BEND3: variants seen among roughly 807,000 people sequenced by gnomAD.
BEND3 encodes the protein BEN domain containing 3.
In BEND3, 13 loss-of-function variants were observed where a neutral mutation model predicts 60.1. That is an observed-to-expected ratio of 0.22 (90% confidence interval 0.14 to 0.34). The LOEUF (loss-of-function observed/expected upper bound fraction) is 0.34. Ranked by LOEUF, BEND3 falls within the 10% of genes least tolerant of loss-of-function variation. The probability of loss-of-function intolerance (pLI) is 1.00; values close to 1 mark genes in which losing one functional copy is unlikely to be tolerated. For missense variants in BEND3, 896 were observed against 1,138.1 expected, an observed-to-expected ratio of 0.79 and a Z score of 3.06; for synonymous variants, 497 against 491.5, an observed-to-expected ratio of 1.01 and a Z score of -0.15.
At chr6:107,105,453 G>A (rs1775793311) in intron 1 of BEND3, among the ~76,000 whole-genome samples, 1 of 152,002 alleles carries the variant, frequency 6.6e-6, no homozygotes, top group African/African-American at 2.4e-5. Context: ...CAGGATCACT[G>A]GCCTTTTCCC....
At position 107,082,092 on chromosome 6, in the gene BEND3, G is replaced by A. The variant is rs528864082; in HGVS notation, c.241-11142C>T. Among the ~76,000 whole-genome samples, 8 of 152,336 alleles carry A rather than the reference G, an allele frequency of 5.3e-5. No homozygotes were observed. In the East Asian group the frequency reaches 1.4e-3, roughly 26 times the overall value. On this transcript the variant is annotated intron_variant, in intron 3 of 3. Coordinates refer to ENST00000369042, the MANE Select transcript of BEND3 (RefSeq NM_001367314.1). Reference sequence around the variant, plus strand: ...TGATTTTATGCTTCTATCAACAGGAGACAGAGTCTACTTTTCCACTTTCGG... The same window carrying A: ...TGATTTTATGCTTCTATCAACAGGAAACAGAGTCTACTTTTCCACTTTCGG...
Position 107,070,535 on chromosome 6 carries a change from A to G in BEND3, c.656T>C (p.Leu219Pro). 1 of 1,613,686 alleles carries G rather than the reference A, an allele frequency of 6.2e-7. No individual in the cohort carries two copies. ...GATGCGGCTCACCTCAAGGGAGAGCAGGTCCACCTTGCTGTGCAGCTGGGA... is the reference window on the plus strand; with the variant it reads ...GATGCGGCTCACCTCAAGGGAGAGCGGGTCCACCTTGCTGTGCAGCTGGGA... The part of the protein sequence containing the change: ...NMSQLHSKVD[L>P]LSLEVSRIKK... Residue 219 changes from leucine to proline, a missense_variant, in exon 4 of 4, where the codon CTG (leucine) becomes CCG (proline). Coordinates refer to ENST00000369042, the MANE Select transcript of BEND3 (RefSeq NM_001367314.1). The surrounding 1 kb of genome is among the most constrained non-coding windows in gnomAD (Gnocchi z 6.9).
At chr6:107,106,582 T>C (rs1775819414) in intron 1 of BEND3, among the ~76,000 whole-genome samples, 1 of 152,324 alleles carries the variant, frequency 6.6e-6, no homozygotes, top group Admixed American at 6.5e-5. Flanking sequence ...TGGAACTGCA[T>C]GAAACCCTGG....
At position 107,066,575 on chromosome 6, in the gene BEND3, G is replaced by T. The variant is rs1554230863; in HGVS notation, c.*2129C>A. ...AGTTTCAAAAAAATTATTAATAAAT[G>T]ATTGTGCTTCTAAAGTTGCAGGGTC... On this transcript the variant is annotated 3_prime_UTR_variant, in exon 4 of 4. Transcript: ENST00000369042. 1.3e-5 allele frequency: 2 copies of T among 152,598 alleles called. No homozygotes were observed. The highest frequency in any genetic ancestry group is 6.5e-5 in the Admixed American group (1 of 15,270). 9.5% of individuals were successfully genotyped at this position (152,598 alleles called of 1,614,324 possible).
chr6:107,093,592 A>C (rs1221148046), intron 3 of BEND3, among the ~76,000 whole-genome samples: 3 of 152,246 alleles, frequency 2.0e-5, no homozygotes, highest in Non-Finnish European at 4.4e-5. Flanking sequence ...AGAACAGAAT[A>C]GCCCAGAAGC....
chr6:107,106,973 G>A (rs1377265975), intron 1 of BEND3, among the ~76,000 whole-genome samples: 5 of 137,736 alleles, frequency 3.6e-5, no homozygotes, highest in Non-Finnish European at 6.1e-5. Flanking sequence ...GTCTCGCTCT[G>A]TCGCCCAGAC....
intron 3 of BEND3, among the ~76,000 whole-genome samples, chr6:107,079,636 G>C (rs2115005273): frequency 6.6e-6 from 1 of 152,282 alleles, no homozygotes; most frequent in African/African-American, 2.4e-5. Flanking sequence ...TGCCCTGCAA[G>C]GGGACAACGG....
At position 107,113,051 on chromosome 6, in the gene BEND3, G is replaced by A. The variant is rs150953904; in HGVS notation, c.-12+2039C>T. 9.6e-3 allele frequency among the ~76,000 whole-genome samples: 1,458 copies of A among 152,118 alleles called. 25 individuals carry two copies. Among genetic ancestry groups the A allele is most frequent in the South Asian group, 0.036 (173 of 4,816 alleles). Reference sequence around the variant, plus strand: ...CACGCGCCTGTAGTCCCAGCTACTCGGGAGGCTGTGGCAGGAAAATCCCTT... The same window carrying A: ...CACGCGCCTGTAGTCCCAGCTACTCAGGAGGCTGTGGCAGGAAAATCCCTT... On this transcript the variant is annotated intron_variant, in intron 1 of 3. Coordinates refer to ENST00000369042, the MANE Select transcript of BEND3 (RefSeq NM_001367314.1).
intron 3 of BEND3, among the ~76,000 whole-genome samples, chr6:107,082,838 G>A (rs1775261866): frequency 6.6e-6 from 1 of 152,160 alleles, no homozygotes; most frequent in African/African-American, 2.4e-5. Flanking sequence ...CCGAATTCTG[G>A]CTTTACTTGA....
chr6:107,073,613 G>A (rs1554232399), intron 3 of BEND3, among the ~76,000 whole-genome samples: 4 of 152,106 alleles, frequency 2.6e-5, no homozygotes. Flanking sequence ...CTTAAGAAAA[G>A]TGAGGCCAGG....
intron 3 of BEND3, among the ~76,000 whole-genome samples, chr6:107,075,605 T>G (rs1554232681): frequency 6.6e-6 from 1 of 152,174 alleles, no homozygotes; most frequent in Non-Finnish European, 1.5e-5. Flanking sequence ...GAAATTTGGG[T>G]TTGGAGTACT....
At chr6:107,094,118 C>G (rs1252968507) in intron 3 of BEND3, among the ~76,000 whole-genome samples, 1 of 152,194 alleles carries the variant, frequency 6.6e-6, no homozygotes, top group Non-Finnish European at 1.5e-5. Context: ...AGCCTGTAAT[C>G]CCGGCACTTT....
intron 3 of BEND3, among the ~76,000 whole-genome samples, chr6:107,074,234 G>A (rs537711869): frequency 1.3e-5 from 2 of 152,104 alleles, no homozygotes; most frequent in Admixed American, 6.5e-5. Flanking sequence ...TGGCCAACAC[G>A]GTGAAACCCC....
chr6:107,080,516 T>C (rs1775210630), intron 3 of BEND3, among the ~76,000 whole-genome samples: 1 of 152,114 alleles, frequency 6.6e-6, no homozygotes, highest in Non-Finnish European at 1.5e-5. Context: ...ATATTCACCC[T>C]GAATTAAGAC....
intron 3 of BEND3, among the ~76,000 whole-genome samples, chr6:107,072,613 A>AG (rs1480559977): frequency 6.6e-6 from 1 of 152,212 alleles, no homozygotes; most frequent in African/African-American, 2.4e-5. Flanking sequence ...AGGCAGATCC[A>AG]GGGGGAATAG....
At chr6:107,096,746 T>C (rs539191660) in intron 3 of BEND3, among the ~76,000 whole-genome samples, 1 of 152,200 alleles carries the variant, frequency 6.6e-6, no homozygotes, top group Non-Finnish European at 1.5e-5. Context: ...CAGGGACTCT[T>C]TGTAAGGTTA....
intron 1 of BEND3, among the ~76,000 whole-genome samples, chr6:107,104,523 A>G (rs534163966): frequency 6.6e-6 from 1 of 152,256 alleles, no homozygotes; most frequent in African/African-American, 2.4e-5. Flanking sequence ...CTGATAAAAA[A>G]TAGCATAATA....
rs185622011 is a variant in BEND3 at position 107,078,867 on chromosome 6, C to G, written c.241-7917G>C. ...AGTGCTGGGTAGAGAAGGGCGGGTC[C>G]CTGGCTAGGGCTCCACCCTCAGGCC... On this transcript the variant is annotated intron_variant, in intron 3 of 3. Transcript: ENST00000369042. Among the ~76,000 whole-genome samples, 163 of 151,860 alleles carry G rather than the reference C, an allele frequency of 1.1e-3. 2 individuals are homozygous for G. The East Asian group carries it at 0.028, about 27-fold the overall frequency.
At chr6:107,085,793 A>AT (rs36101665) in intron 3 of BEND3, among the ~76,000 whole-genome samples, 44,105 of 106,748 alleles carry the variant, frequency 0.41, 6,933 homozygotes, top group Admixed American at 0.48. Flanking sequence ...ACCTGGCCTT[A>AT]TTTTTTTTTT....
Sources: gnomAD v4.1 joint callset for allele counts (sites outside exome capture counted in the v4.1 genomes callset) on GRCh38, gnomAD v4.1.1 for gene constraint, Gnocchi (gnomAD v3.1) non-coding constraint, MANE v1.5 for transcripts, NCBI Gene and HGNC (gene_info 2026-07-23, HGNC 2026-07-21) for gene names.